Variants in RGS20 observed in about 807,000 individuals in gnomAD.
The protein encoded by RGS20 is regulator of G protein signaling 20.
In RGS20, 30 loss-of-function variants were observed where a neutral mutation model predicts 33.6. The ratio of observed to expected loss-of-function variants is 0.89; its 90% CI spans 0.67 to 1.21. The LOEUF (loss-of-function observed/expected upper bound fraction) is 1.21, where lower values mean the gene tolerates loss of function less well. Among genes scored for constraint, RGS20 ranks in the 50% most tolerant of loss-of-function variants. RGS20 has a pLI of 0.00. For missense variants in RGS20, 472 were observed against 502.4 expected, an observed-to-expected ratio of 0.94 and a Z score of 0.58; for synonymous variants, 208 against 197.9, an observed-to-expected ratio of 1.05 and a Z score of -0.43.
intron 2 of RGS20, among the ~76,000 whole-genome samples, chr8:53,881,685 GGC>G (rs993977722): frequency 3.3e-5 from 5 of 152,176 alleles, no homozygotes; most frequent in Admixed American, 3.3e-4. Context: ...ACTAGGTATG[GGC>G]GTTCACTCGG....
chr8:53,878,817 G>A (rs939999100), intron 1 of RGS20, among the ~76,000 whole-genome samples: 1 of 152,184 alleles, frequency 6.6e-6, no homozygotes, highest in Non-Finnish European at 1.5e-5. Flanking sequence ...AACAAGGGAA[G>A]ACCAGAGAAG....
At chr8:53,901,457 A>G (rs1813026319) in intron 2 of RGS20, among the ~76,000 whole-genome samples, 1 of 152,122 alleles carries the variant, frequency 6.6e-6, no homozygotes, top group African/African-American at 2.4e-5. Flanking sequence ...TGGCCCTGGT[A>G]GTTAGAGACA....
At chr8:53,880,673 T>C (rs1045078325) in intron 2 of RGS20, among the ~76,000 whole-genome samples, 199 bp from the exon 1 acceptor site, 13 of 152,172 alleles carry the variant, frequency 8.5e-5, no homozygotes, top group African/African-American at 3.1e-4. Flanking sequence ...TACGCGCGCC[T>C]GGCTTCGCAT....
chr8:53,907,315 G>A (rs996725180), intron 2 of RGS20, among the ~76,000 whole-genome samples: 5 of 152,040 alleles, frequency 3.3e-5, no homozygotes, highest in Admixed American at 2.0e-4. Flanking sequence ...GGCTGGGCGC[G>A]GTGGCTCACG....
chr8:53,944,413 C>T (rs1004944601), intron 3 of RGS20, among the ~76,000 whole-genome samples: 2 of 151,982 alleles, frequency 1.3e-5, no homozygotes, highest in Admixed American at 1.3e-4. Flanking sequence ...TGGTGCGCGC[C>T]TGTAGTCCCA....
intron 1 of RGS20, among the ~76,000 whole-genome samples, chr8:53,871,919 T>A (rs965590819): frequency 6.6e-6 from 1 of 152,034 alleles, no homozygotes; most frequent in African/African-American, 2.4e-5. Flanking sequence ...CAAATTCACA[T>A]CTCCTAGACT....
chr8:53,893,398 GA>G (rs1812770197), intron 2 of RGS20, among the ~76,000 whole-genome samples: 4 of 152,202 alleles, frequency 2.6e-5, no homozygotes, highest in African/African-American at 9.6e-5. Flanking sequence ...CCTGGAGGCG[GA>G]GTAGCAGGAC....
intron 1 of RGS20, among the ~76,000 whole-genome samples, chr8:53,873,088 G>T (rs1585871835): frequency 6.6e-6 from 1 of 152,184 alleles, no homozygotes; most frequent in Admixed American, 6.5e-5. Context: ...GTTATCAGGA[G>T]ATCTGGTTGT....
intron 2 of RGS20, among the ~76,000 whole-genome samples, chr8:53,909,397 G>A (rs1040548952): frequency 1.3e-4 from 20 of 151,002 alleles, no homozygotes; most frequent in Non-Finnish European, 2.2e-4. Context: ...CTATAGGCCC[G>A]CACCACCATA....
chr8:53,904,659 G>A (rs906876450), intron 2 of RGS20, among the ~76,000 whole-genome samples: 1 of 152,142 alleles, frequency 6.6e-6, no homozygotes, highest in African/African-American at 2.4e-5. Flanking sequence ...TTTCCCAAGT[G>A]TTTAATACTT....
chr8:53,928,752 G>T (rs765143589), intron 2 of RGS20, among the ~76,000 whole-genome samples: 1 of 152,032 alleles, frequency 6.6e-6, no homozygotes, highest in African/African-American at 2.4e-5. Flanking sequence ...GAACCTGGGA[G>T]GCAGAGGTTG....
rs1814490115 is a variant in RGS20, at chr8:53,946,688, A to T, written c.683A>T (p.Asp228Val). Residue 228 changes from aspartate (D) to valine (V), a missense_variant, in exon 4 of 6, where the codon GAT (aspartate) becomes GTT (valine). By Grantham distance (152) the Asp-to-Val change is radical. Transcript: ENST00000297313. ...AGTCTCACTGTTAGAAACCAGGAAG[A>T]TCAGAGGCCCACAATAGCTTCCCAC... 2 of 1,612,744 alleles carry T rather than the reference A, an allele frequency of 1.2e-6. No individual in the cohort carries two copies. The highest frequency in any genetic ancestry group is 3.3e-5 in the Admixed American group (2 of 59,784).
At chr8:53,852,444 G>T (rs73680327) in intron 1 of RGS20, among the ~76,000 whole-genome samples, 1 of 151,914 alleles carries the variant, frequency 6.6e-6, no homozygotes, top group East Asian at 1.9e-4. Context: ...ATTATAGACC[G>T]CTTTCTACAA....
At chr8:53,856,605 C>T (rs545330477) in intron 1 of RGS20, among the ~76,000 whole-genome samples, 47 of 152,174 alleles carry the variant, frequency 3.1e-4, no homozygotes, top group Non-Finnish European at 5.7e-4. Context: ...CTCTAGCCAG[C>T]AGTTTTTCTA....
At chr8:53,860,295 C>A (rs1320688091) in intron 1 of RGS20, among the ~76,000 whole-genome samples, 1 of 152,120 alleles carries the variant, frequency 6.6e-6, no homozygotes, top group East Asian at 1.9e-4. Flanking sequence ...ACTATGTAAC[C>A]AAATATGTTT....
intron 1 of RGS20, among the ~76,000 whole-genome samples, chr8:53,856,434 GT>G (rs1019432857): frequency 4.5e-4 from 69 of 151,974 alleles, no homozygotes; most frequent in African/African-American, 1.6e-3. Flanking sequence ...GACTGGGCTG[GT>G]CACAGACTCC....
intron 1 of RGS20, among the ~76,000 whole-genome samples, chr8:53,874,401 T>TGTGTGTGCGC (rs1403614307): frequency 1.6e-5 from 2 of 124,908 alleles, no homozygotes; most frequent in African/African-American, 7.1e-5. Flanking sequence ...TGTGTGTGTG[T>TGTGTGTGCGC]GCGCGCGCGT....
rs75795283 is a variant in RGS20, at chr8:53,900,971, G to A, written c.510+21369G>A. 2.2e-4 allele frequency among the ~76,000 whole-genome samples: 33 copies of A among 152,048 alleles called. 1 individual carries two copies. In the East Asian group the frequency reaches 5.8e-3, roughly 27 times the overall value. ...GTTCACGTCCTGACCTGGCTCCATGGGACACTCCTCCACACCCCTCACAGC... is the reference window on the plus strand; with the variant it reads ...GTTCACGTCCTGACCTGGCTCCATGAGACACTCCTCCACACCCCTCACAGC... On this transcript the variant is annotated intron_variant, in intron 2 of 5. Transcript: ENST00000297313.
chr8:53,923,687 C>T (rs575065307), intron 2 of RGS20, among the ~76,000 whole-genome samples: 1 of 152,160 alleles, frequency 6.6e-6, no homozygotes, highest in Admixed American at 6.5e-5. Flanking sequence ...GGGTCTACGT[C>T]CCTCACGTAG....
Sources: gnomAD v4.1 joint callset for allele counts (sites outside exome capture counted in the v4.1 genomes callset) on GRCh38, gnomAD v4.1.1 for gene constraint, MANE v1.5 for transcripts, NCBI Gene and HGNC (gene_info 2026-07-23, HGNC 2026-07-21) for gene names.